The following SEC24B variants were observed in gnomAD, a reference collection of about 807,000 sequenced individuals.
SEC24B encodes protein transport protein Sec24B.
SEC24B carries 45 observed loss-of-function variants against 142.8 expected under a neutral mutation model. The ratio of observed to expected loss-of-function variants is 0.32; its 90% CI spans 0.25 to 0.40. SEC24B has a LOEUF of 0.40. Ranked by LOEUF, SEC24B falls within the 10% of genes least tolerant of loss-of-function variation. The pLI, the probability that SEC24B is intolerant of heterozygous loss-of-function variation, is 1.00. For missense variants in SEC24B, 1,409 were observed against 1,526.8 expected (o/e 0.92, Z 1.29); for synonymous variants, 574 against 568.2 (o/e 1.01, Z -0.15).
At chr4:109,467,343 A>T (rs1319688362) in intron 2 of SEC24B, among the ~76,000 whole-genome samples, 4 of 151,840 alleles carry the variant, frequency 2.6e-5, no homozygotes, top group Admixed American at 2.6e-4. Flanking sequence ...AAAAAAAAAA[A>T]AAAAGTCCGC....
intron 3 of SEC24B, among the ~76,000 whole-genome samples, chr4:109,477,029 T>G (rs1041731872): frequency 6.7e-6 from 1 of 149,232 alleles, no homozygotes; most frequent in Non-Finnish European, 1.5e-5. Context: ...CCCAGCTACT[T>G]GGGAGGCTGA....
rs70949078 is a variant in SEC24B, at chr4:109,445,242, G to GTT, written c.133+11258_133+11259dup. 3.0e-3 allele frequency among the ~76,000 whole-genome samples: 342 copies of GTT among 112,752 alleles called. 10 individuals are homozygous for GTT. The highest frequency in any genetic ancestry group is 0.01 in the African/African-American group (277 of 26,398). 74.0% of individuals were successfully genotyped at this position (112,752 alleles called of 152,430 possible). On this transcript the variant is annotated intron_variant, in intron 1 of 23. Transcript: ENST00000265175. ...TTTTTAGTTTTTTCTTTCTTTCTTTGTTTTTTTTTTTTTTTTTTTGAGACG... is the reference window on the plus strand; with the variant it reads ...TTTTTAGTTTTTTCTTTCTTTCTTTGTTTTTTTTTTTTTTTTTTTTTGAGACG...
intron 15 of SEC24B, 110 bp downstream of exon 15, chr4:109,525,051 C>T: frequency 1.0e-6 from 1 of 970,666 alleles, no homozygotes; most frequent in Non-Finnish European, 1.5e-6. Flanking sequence ...AAAGCATGTG[C>T]ATTAGATAGA....
Position 109,451,845 on chromosome 4 carries a change from A to G in SEC24B, c.134-11056A>G, listed in dbSNP as rs563903226. Among the ~76,000 whole-genome samples, 4 of 152,302 alleles carry G rather than the reference A, an allele frequency of 2.6e-5. No individual in the cohort carries two copies. In the East Asian group the frequency reaches 7.7e-4, roughly 29 times the overall value. The stretch of plus-strand genomic sequence containing the variant: ...GTCTATCTGTATCTGTATTACCTAA[A>G]CATCATTCAGTTAGGTTATCATACA... On this transcript the variant is annotated intron_variant, in intron 1 of 23. Coordinates refer to ENST00000265175, the MANE Select transcript of SEC24B (RefSeq NM_006323.5).
chr4:109,450,821 C>T (rs1453275465), intron 1 of SEC24B: 1 of 148,422 alleles, frequency 6.7e-6, no homozygotes, highest in Non-Finnish European at 1.5e-5. Flanking sequence ...TGGCTATTCA[C>T]AGTTGTAGTC....
intron 6 of SEC24B, among the ~76,000 whole-genome samples, chr4:109,495,747 T>C (rs1735474478): frequency 6.6e-6 from 1 of 152,182 alleles, no homozygotes; most frequent in South Asian, 2.1e-4. Context: ...ATGATGGAGC[T>C]GCCATCTTGA....
At chr4:109,532,871 G>T in intron 21 of SEC24B, 128 bp downstream of exon 21, 5 of 565,904 alleles carry the variant, frequency 8.8e-6, no homozygotes, top group East Asian at 2.9e-5. Context: ...AGCTGAAATT[G>T]GTAACTAGCA....
At chr4:109,491,186 C>CTAGACATCAATCATTTTACTTTTT (rs1350233255) in intron 4 of SEC24B, 141 bp from the exon 5 acceptor site, 1 of 603,590 alleles carries the variant, frequency 1.7e-6, no homozygotes, top group East Asian at 2.8e-5. Flanking sequence ...TAAAATGTCT[C>CTAGACATCAATCATTTTACTTTTT]TAGACATCAA....
In SEC24B at chr4:109,510,105, C is replaced by T; in HGVS notation, c.1770C>T (p.Asp590=). The T allele has an allele frequency of 6.4e-7, 1 of 1,573,210 alleles. No individual in the cohort carries two copies. The highest frequency in any genetic ancestry group is 8.7e-7 in the Non-Finnish European group (1 of 1,150,054). ...GATTGTTGTTACATCCCTTCAGAGA[C>T]CTAACGGTAAAGTAACATTTTATAA... The part of the protein sequence containing the change: ...PLGLLLHPFR[D]LTQLPVITSN... Residue 590 remains aspartate, a synonymous_variant, in exon 8 of 24, where the codon GAC becomes GAT. Transcript: ENST00000265175.
At chr4:109,468,629 C>G (rs1431900015) in intron 2 of SEC24B, among the ~76,000 whole-genome samples, 1 of 152,124 alleles carries the variant, frequency 6.6e-6, no homozygotes, top group East Asian at 1.9e-4. Context: ...GAGGAAGAAC[C>G]TAGATCAGGA....
At chr4:109,484,813 C>T (rs1734177232) in intron 4 of SEC24B, among the ~76,000 whole-genome samples, 1 of 147,672 alleles carries the variant, frequency 6.8e-6, no homozygotes, top group Non-Finnish European at 1.5e-5. Flanking sequence ...GATCACGCCA[C>T]TGCCCTGCAG....
intron 7 of SEC24B, among the ~76,000 whole-genome samples, chr4:109,508,971 A>G (rs1329183337): frequency 6.6e-6 from 1 of 152,248 alleles, no homozygotes; most frequent in Non-Finnish European, 1.5e-5. Flanking sequence ...TCCGATGAAC[A>G]GTCAAACTAG....
intron 20 of SEC24B, 151 bp downstream of exon 20, chr4:109,531,673 T>C: frequency 1.8e-6 from 1 of 569,994 alleles, no homozygotes; most frequent in Non-Finnish European, 3.1e-6. Context: ...GGACACTGGC[T>C]GTGGATCTGA....
chr4:109,487,757 A>G (rs1474242084), intron 4 of SEC24B, among the ~76,000 whole-genome samples: 1 of 152,194 alleles, frequency 6.6e-6, no homozygotes, highest in Non-Finnish European at 1.5e-5. Flanking sequence ...CATTGCTTTG[A>G]TATTTTGACA....
chr4:109,524,774 A>T lies in SEC24B; in HGVS notation c.2509-44A>T, dbSNP rs765902087. ...GTTATAAAAATGACATGAAAATATGAGCATAAAGATTGCTAGCTCTTACTA... is the reference window on the plus strand; with the variant it reads ...GTTATAAAAATGACATGAAAATATGTGCATAAAGATTGCTAGCTCTTACTA... On this transcript the variant is annotated intron_variant, in intron 14 of 23. Coordinates refer to ENST00000265175, the MANE Select transcript of SEC24B (RefSeq NM_006323.5). The T allele has an allele frequency of 7.1e-6, 11 of 1,547,722 alleles. No individual in the cohort carries two copies. The African/African-American group carries it at 1.4e-4, about 20-fold the overall frequency.
intron 4 of SEC24B, among the ~76,000 whole-genome samples, chr4:109,486,609 A>G (rs1734381292): frequency 6.6e-6 from 1 of 152,176 alleles, no homozygotes; most frequent in Non-Finnish European, 1.5e-5. Flanking sequence ...CAAGTACTGC[A>G]TTTCATACTT....
chr4:109,534,037 A>G (rs1258681124), intron 22 of SEC24B, among the ~76,000 whole-genome samples: 1 of 151,146 alleles, frequency 6.6e-6, no homozygotes, highest in Non-Finnish European at 1.5e-5. Flanking sequence ...TGTAGCTTAT[A>G]TTAGTAGTTC....
At chr4:109,470,340 A>G (rs768183665) in intron 2 of SEC24B, among the ~76,000 whole-genome samples, 4 of 152,236 alleles carry the variant, frequency 2.6e-5, no homozygotes, top group Non-Finnish European at 5.9e-5. Flanking sequence ...GGCTTGGCCT[A>G]AGATTCTACT....
rs772730002 is a variant in SEC24B, at chr4:109,531,447, A to G, written c.3315A>G (p.Ile1105Met). The G allele has an allele frequency of 1.9e-5, 31 of 1,612,574 alleles. No individual in the cohort carries two copies. Among genetic ancestry groups the G allele is most frequent in the Middle Eastern group, 1.6e-4 (1 of 6,082 alleles). ...ATCGTGTATATGCCATGTGTCAGAT[A>G]AAGTCTCAGCCACTTGTTCATCTAA... ...LDDRVYAMCQIKSQPLVHLMK... is the reference protein window; with the variant it reads ...LDDRVYAMCQMKSQPLVHLMK... The change falls in exon 20 of 24, where the codon ATA becomes ATG. Residue 1105 changes from isoleucine to methionine, a missense_variant. Transcript: ENST00000265175.
Sources: gnomAD v4.1 joint callset for allele counts (sites outside exome capture counted in the v4.1 genomes callset) on GRCh38, gnomAD v4.1.1 for gene constraint, MANE v1.5 for transcripts, NCBI Gene and HGNC (gene_info 2026-07-23, HGNC 2026-07-21) for gene names.